The following PLIN4 variants were observed in gnomAD, a reference collection of about 807,000 sequenced individuals.
PLIN4 encodes the protein perilipin-4.
PLIN4 carries 57 observed loss-of-function variants against 52.4 expected under a neutral mutation model. The observed-to-expected ratio is 1.09, with a 90% CI of 0.88 to 1.36. The LOEUF is 1.36. PLIN4 is among the 40% of genes most tolerant of loss of function. The probability of loss-of-function intolerance (pLI) is 0.00; values close to 1 mark genes in which losing one functional copy is unlikely to be tolerated. For synonymous variants in PLIN4, 826 were observed against 785.4 expected (o/e 1.05, Z -0.86); for missense variants, 1,757 against 1,770.3 (o/e 0.99, Z 0.13).
In PLIN4 at chr19:4,510,866, C is replaced by A; in HGVS notation, c.3094G>T (p.Ala1032Ser). Reference protein sequence around the residue: ...VLTGTKDAVSAGLMGSGNVAT... With the variant: ...VLTGTKDAVSSGLMGSGNVAT... ...ACGTTCCCTGACCCCATGAGCCCAG[C>A]GGACACTGCGTCTTTGGTTCCGGTC... is the stretch of plus-strand genomic sequence containing the variant. The change falls in exon 5 of 8, where the codon GCT becomes TCT. Residue 1032 changes from alanine (A) to serine (S), a missense_variant. By Grantham distance (99) the Ala-to-Ser change is moderately conservative. Around this residue, in one of 7 missense-constraint regions of PLIN4, gnomAD observed 712 missense variants for 637.1 expected, o/e 1.12. Coordinates refer to ENST00000301286, the MANE Select transcript of PLIN4 (RefSeq NM_001367868.2). 6.2e-7 allele frequency: 1 copy of A among 1,613,362 alleles called. No homozygotes were observed. The highest frequency in any genetic ancestry group is 8.5e-7 in the Non-Finnish European group (1 of 1,179,726).
At chr19:4,508,990 C>A in intron 5 of PLIN4, 35 bp from the exon 6 acceptor site, 1 of 1,577,614 alleles carries the variant, frequency 6.3e-7, no homozygotes, top group Non-Finnish European at 8.6e-7. Flanking sequence ...GTCCCGGAAG[C>A]CCCTCAGGGC....
chr19:4,509,165 G>C (rs74172645), intron 5 of PLIN4, among the ~76,000 whole-genome samples: 1 of 151,210 alleles, frequency 6.6e-6, no homozygotes, highest in Non-Finnish European at 1.5e-5. Flanking sequence ...CAAAAAATTA[G>C]CCGGGCGTGG....
At position 4,508,966 on chromosome 19, in the gene PLIN4, A is replaced by G. The variant is rs780333510; in HGVS notation, c.3515-11T>C. On this transcript the variant is annotated splice_polypyrimidine_tract_variant and intron_variant, in intron 5 of 7. Transcript: ENST00000301286. Reference sequence around the variant, plus strand: ...AGGCAGCCAGCTGAGCTGGAAAGGAAGGCGCACCGCTCAGTCCCGGAAGCC... The same window carrying G: ...AGGCAGCCAGCTGAGCTGGAAAGGAGGGCGCACCGCTCAGTCCCGGAAGCC... 6.2e-7 allele frequency: 1 copy of G among 1,606,846 alleles called. No individual in the cohort carries two copies. Among genetic ancestry groups the G allele is most frequent in the Non-Finnish European group, 8.5e-7 (1 of 1,177,172 alleles).
chr19:4,509,946 G>A (rs1203791959), intron 5 of PLIN4, among the ~76,000 whole-genome samples: 1 of 145,520 alleles, frequency 6.9e-6, no homozygotes, highest in African/African-American at 2.6e-5. Flanking sequence ...GTGCTCTCAC[G>A]TGTAATCCCA....
Position 4,513,706 on chromosome 19 carries a change from T to A in PLIN4, c.259-5A>T. On this transcript the variant is annotated splice_polypyrimidine_tract_variant and splice_region_variant and intron_variant, in intron 4 of 7. Coordinates refer to ENST00000301286, the MANE Select transcript of PLIN4 (RefSeq NM_001367868.2). Reference sequence around the variant, plus strand: ...GTCTTTGGCCCCGGACACCATCTGCTGAGAAAGGACACAGGTGGATCAAGA... The same window carrying A: ...GTCTTTGGCCCCGGACACCATCTGCAGAGAAAGGACACAGGTGGATCAAGA... The A allele has an allele frequency of 6.4e-7, 1 of 1,566,418 alleles. No homozygotes were observed. The highest frequency in any genetic ancestry group is 8.7e-7 in the Non-Finnish European group (1 of 1,155,412).
Position 4,512,617 on chromosome 19 carries a change from C to T in PLIN4, c.1343G>A (p.Arg448Lys), listed in dbSNP as rs146679364. Residue 448 changes from arginine to lysine, a missense_variant, in exon 5 of 8, where the codon AGA becomes AAA. Arg to Lys is a conservative substitution (Grantham distance 26, BLOSUM62 2). Transcript: ENST00000301286. The part of the protein sequence containing the change: ...SGVTGAMNLA[R>K]GTIQTGVDTT... Reference sequence around the variant, plus strand: ...GTCCACGCCTGTCTGGATGGTTCCTCTGGCCAAATTCATGGCACCAGTCAC... The same window carrying T: ...GTCCACGCCTGTCTGGATGGTTCCTTTGGCCAAATTCATGGCACCAGTCAC... 0.056 allele frequency: 81,972 copies of T among 1,471,378 alleles called. 6,107 individuals carry two copies. The highest frequency in any genetic ancestry group is 0.14 in the African/African-American group (8,209 of 58,246). 91.1% of individuals were successfully genotyped at this position (1,471,378 alleles called of 1,614,324 possible).
At chr19:4,506,834 A>C (rs1401500438) in intron 6 of PLIN4, among the ~76,000 whole-genome samples, 1 of 152,270 alleles carries the variant, frequency 6.6e-6, no homozygotes, top group Admixed American at 6.5e-5. Flanking sequence ...GTTTACAGGA[A>C]CGCCTTCCAA....
chr19:4,518,038 G>A (rs770079581), intron 2 of PLIN4, among the ~76,000 whole-genome samples, 184 bp downstream of exon 2: 2 of 152,162 alleles, frequency 1.3e-5, no homozygotes, highest in Non-Finnish European at 2.9e-5. Context: ...GTCTGCGTGG[G>A]TCCCCCGCCT....
intron 6 of PLIN4, among the ~76,000 whole-genome samples, chr19:4,507,626 C>A (rs11881353): frequency 0.021 from 3,219 of 152,186 alleles, 52 homozygotes; most frequent in Non-Finnish European, 0.033. Context: ...TAGGTTGAAG[C>A]TGCAGTGGGC....
rs151210318 is a variant in PLIN4 at position 4,505,883 on chromosome 19, C to T, written c.3703-936G>A. 2.1e-4 allele frequency among the ~76,000 whole-genome samples: 32 copies of T among 152,232 alleles called. No homozygotes were observed. In the East Asian group the frequency reaches 5.2e-3, roughly 25 times the overall value. On this transcript the variant is annotated intron_variant, in intron 6 of 7. Coordinates refer to ENST00000301286, the MANE Select transcript of PLIN4 (RefSeq NM_001367868.2). ...TCCACTCTGCAACCCGCCCGGCCTC[C>T]CCTCAGCCCCCCTGCTCTCCTTGTC... is the stretch of plus-strand genomic sequence containing the variant.
At chr19:4,515,917 G>A (rs996503327) in intron 4 of PLIN4, among the ~76,000 whole-genome samples, 1 of 152,232 alleles carries the variant, frequency 6.6e-6, no homozygotes. Flanking sequence ...CACTCGCTGT[G>A]TGGCCTTAGG....
At chr19:4,505,820 C>T (rs1976075556) in intron 6 of PLIN4, among the ~76,000 whole-genome samples, 1 of 152,098 alleles carries the variant, frequency 6.6e-6, no homozygotes, top group African/African-American at 2.4e-5. Context: ...GCCCACCAGG[C>T]ATCTCCCCTC....
In PLIN4 at chr19:4,512,426, C is replaced by T. The variant is rs61730734; in HGVS notation, c.1534G>A (p.Val512Met). ...VSTGLTGAVN[V>M]AKGTVQTGVD... ...CCGGTCTGGACGGTCCCTTTGGCCACGTTCACAGCCCCTGTGAGCCCAGTG... is the reference window on the plus strand; with the variant it reads ...CCGGTCTGGACGGTCCCTTTGGCCATGTTCACAGCCCCTGTGAGCCCAGTG... The change falls in exon 5 of 8, where the codon GTG (valine) becomes ATG (methionine). Residue 512 changes from valine to methionine, a missense_variant. Physicochemically the swap from Val to Met is conservative, Grantham distance 21. Coordinates refer to ENST00000301286, the MANE Select transcript of PLIN4 (RefSeq NM_001367868.2). 60 of 1,595,322 alleles carry T rather than the reference C, an allele frequency of 3.8e-5. 1 individual carries two copies. Among genetic ancestry groups the T allele is most frequent in the East Asian group, 6.7e-5 (3 of 44,448 alleles).
chr19:4,517,266 G>A (rs1976608930), intron 3 of PLIN4, among the ~76,000 whole-genome samples: 5 of 152,160 alleles, frequency 3.3e-5, no homozygotes, highest in Admixed American at 1.3e-4. Flanking sequence ...CACCCAGCCT[G>A]GGCCATGGTG....
At chr19:4,514,835 C>G (rs748836500) in intron 4 of PLIN4, among the ~76,000 whole-genome samples, 5 of 151,378 alleles carry the variant, frequency 3.3e-5, no homozygotes, top group Non-Finnish European at 5.9e-5. Flanking sequence ...ATTGCTTGAG[C>G]CCACGAGTTT....
In PLIN4 at chr19:4,513,715, A is replaced by C. The variant is rs1171420574; in HGVS notation, c.259-14T>G. 5.8e-6 allele frequency: 9 copies of C among 1,557,902 alleles called. No individual in the cohort carries two copies. The highest frequency in any genetic ancestry group is 7.8e-6 in the Non-Finnish European group (9 of 1,151,230). ...CCCGGACACCATCTGCTGAGAAAGGACACAGGTGGATCAAGAGAAGGACTG... is the reference window on the plus strand; with the variant it reads ...CCCGGACACCATCTGCTGAGAAAGGCCACAGGTGGATCAAGAGAAGGACTG... On this transcript the variant is annotated splice_polypyrimidine_tract_variant and intron_variant, in intron 4 of 7. Coordinates refer to ENST00000301286, the MANE Select transcript of PLIN4 (RefSeq NM_001367868.2).
In PLIN4 at chr19:4,512,870, T is replaced by C. The variant is rs774213177; in HGVS notation, c.1090A>G (p.Thr364Ala). The C allele has an allele frequency of 1.9e-6, 3 of 1,564,228 alleles. No individual in the cohort carries two copies. Among genetic ancestry groups the C allele is most frequent in the Non-Finnish European group, 2.6e-6 (3 of 1,166,322 alleles). The stretch of plus-strand genomic sequence containing the variant: ...CTGCAGACAGTGTTCTTGGTGCCAG[T>C]TAGGACAGTCTTGGTGGTGTCCACG... ...TGVDTTKTVL[T>A]GTKNTVCSGV... Residue 364 changes from threonine (T) to alanine (A), a missense_variant, in exon 5 of 8, where the codon ACT (threonine) becomes GCT (alanine). This residue lies in a region of PLIN4 where 99 missense variants were observed against 143.4 expected (regional missense o/e 0.69). Transcript: ENST00000301286.
rs1975939298 is a variant in PLIN4 at position 4,502,336 on chromosome 19, A to T, written c.*2123T>A. 1 of 398,880 alleles carries T rather than the reference A, an allele frequency of 2.5e-6. No individual in the cohort carries two copies. The allele number at this position is 398,880 out of a possible 1,614,324, so 24.7% of individuals were successfully genotyped here. A position where few individuals can be genotyped will look rare whatever the true frequency, so the allele number is the denominator to read the frequency against. ...AGCCATCAGGCCACCGTGAGAAGCGACTAAAAGGCACTCTGGGCCCAGCCC... is the reference window on the plus strand; with the variant it reads ...AGCCATCAGGCCACCGTGAGAAGCGTCTAAAAGGCACTCTGGGCCCAGCCC... On this transcript the variant is annotated 3_prime_UTR_variant, in exon 8 of 8. Coordinates refer to ENST00000301286, the MANE Select transcript of PLIN4 (RefSeq NM_001367868.2).
chr19:4,517,770 A>G, intron 2 of PLIN4, 72 bp from the exon 3 acceptor site: 1 of 1,515,146 alleles, frequency 6.6e-7, no homozygotes, highest in South Asian at 1.2e-5. Flanking sequence ...GGAAGCATCG[A>G]TTGATCAGCC....
Sources: allele counts gnomAD v4.1 joint callset (sites outside exome capture counted in the v4.1 genomes callset), GRCh38; gene constraint gnomAD v4.1.1; regional missense constraint gnomAD v4.1.1; transcripts MANE v1.5; gene names NCBI Gene and HGNC (gene_info 2026-07-23, HGNC 2026-07-21).